The following GRB2 variants were observed in gnomAD, a reference collection of about 807,000 sequenced individuals.
The protein encoded by GRB2 is growth factor receptor-bound protein 2.
In GRB2, 2 loss-of-function variants were observed where a neutral mutation model predicts 27.4. The observed-to-expected ratio is 0.07, with a 90% CI of 0.03 to 0.23. The LOEUF (loss-of-function observed/expected upper bound fraction) is 0.23, where lower values mean the gene tolerates loss of function less well. Ranked by LOEUF, GRB2 falls within the 10% of genes least tolerant of loss-of-function variation. The pLI is 1.00. For missense variants in GRB2, 102 were observed against 282.4 expected (o/e 0.36, Z 4.58); for synonymous variants, 94 against 99.6 (o/e 0.94, Z 0.33).
At chr17:75,342,516 C>T (rs2078628051) in intron 2 of GRB2, among the ~76,000 whole-genome samples, 1 of 152,072 alleles carries the variant, frequency 6.6e-6, no homozygotes, top group African/African-American at 2.4e-5. Context: ...GCGATCCTCC[C>T]ACCTCAGCCT....
At chr17:75,355,816 CTT>C (rs1170570570) in intron 2 of GRB2, among the ~76,000 whole-genome samples, 43 of 115,674 alleles carry the variant, frequency 3.7e-4, no homozygotes, top group East Asian at 2.0e-3. Flanking sequence ...TTCCTTTCTT[CTT>C]TTTTTTTTTT....
intron 1 of GRB2, among the ~76,000 whole-genome samples, chr17:75,396,369 A>C (rs1418484431): frequency 6.6e-6 from 1 of 151,772 alleles, no homozygotes; most frequent in Admixed American, 6.6e-5. Flanking sequence ...CAGCTTCCCA[A>C]GTAGCTGGAA....
At chr17:75,360,042 AAGGCTG>A in intron 2 of GRB2, among the ~76,000 whole-genome samples, 1 of 151,838 alleles carries the variant, frequency 6.6e-6, no homozygotes, top group Admixed American at 6.6e-5. Context: ...AGAAATTTAG[AAGGCTG>A]AGGTGGGAGG....
intron 2 of GRB2, among the ~76,000 whole-genome samples, chr17:75,358,722 A>G (rs531847933): frequency 6.8e-6 from 1 of 146,900 alleles, no homozygotes; most frequent in Admixed American, 6.9e-5. Flanking sequence ...AAAAAAAAAA[A>G]AAAACAAAAA....
At chr17:75,372,793 A>G (rs766623806) in intron 2 of GRB2, 3 of 152,246 alleles carry the variant, frequency 2.0e-5, no homozygotes, top group Non-Finnish European at 2.9e-5. Flanking sequence ...TACTATGTAA[A>G]TATCAGGCAC....
At chr17:75,360,881 C>T (rs569546247) in intron 2 of GRB2, among the ~76,000 whole-genome samples, 2 of 152,296 alleles carry the variant, frequency 1.3e-5, no homozygotes, top group Admixed American at 6.5e-5. Flanking sequence ...TGAACTCCCA[C>T]CTCAGCTTCT....
At chr17:75,403,900 G>A (rs1434570018) in intron 1 of GRB2, among the ~76,000 whole-genome samples, 4 of 152,170 alleles carry the variant, frequency 2.6e-5, no homozygotes, top group Admixed American at 1.3e-4. Context: ...GATTACCTGA[G>A]GTCAAGAGTT....
Position 75,391,794 on chromosome 17 carries a change from C to T in GRB2, c.78+1757G>A, listed in dbSNP as rs555873829. On this transcript the variant is annotated intron_variant, in intron 2 of 5. Transcript: ENST00000316804. The stretch of plus-strand genomic sequence containing the variant: ...CCGCACTCCAGCCTGGGTGACAGAG[C>T]GAGACTCCATCTCAAAAAAAAAAAA... Among the ~76,000 whole-genome samples, 5 of 123,052 alleles carry T rather than the reference C, an allele frequency of 4.1e-5. No homozygotes were observed. The South Asian group carries it at 8.6e-4, about 21-fold the overall frequency. The allele number at this position is 123,052 out of a possible 152,430, so 80.7% of individuals were successfully genotyped here.
At chr17:75,360,180 A>T (rs2078770160) in intron 2 of GRB2, among the ~76,000 whole-genome samples, 1 of 104,178 alleles carries the variant, frequency 9.6e-6, no homozygotes, top group Non-Finnish European at 2.1e-5. Context: ...AAACAAGGAA[A>T]TGTGATTATG....
intron 2 of GRB2, among the ~76,000 whole-genome samples, chr17:75,346,104 TAGAATC>T (rs770570502): frequency 3.3e-5 from 5 of 149,968 alleles, no homozygotes; most frequent in Non-Finnish European, 7.4e-5. Flanking sequence ...TTTCTGGAGG[TAGAATC>T]AAAAGGACTT....
chr17:75,332,573 C>T, intron 3 of GRB2, 127 bp downstream of exon 3: 1 of 638,136 alleles, frequency 1.6e-6, no homozygotes, highest in Non-Finnish European at 2.8e-6. Context: ...AATCAATATC[C>T]TTTGTTAATT....
chr17:75,360,014 G>A (rs894226462), intron 2 of GRB2, among the ~76,000 whole-genome samples: 2 of 151,980 alleles, frequency 1.3e-5, no homozygotes, highest in Non-Finnish European at 2.9e-5. Context: ...GGGCATGGTG[G>A]CTCATGCCTG....
chr17:75,360,955 G>A (rs2145847778), intron 2 of GRB2, among the ~76,000 whole-genome samples: 1 of 107,142 alleles, frequency 9.3e-6, no homozygotes. Context: ...TTTTTTGGTA[G>A]AGATGGGGTC....
chr17:75,321,001 G>A (rs1390409655), intron 5 of GRB2, among the ~76,000 whole-genome samples: 1 of 152,092 alleles, frequency 6.6e-6, no homozygotes. Flanking sequence ...CGAGGGACAG[G>A]AACGGGTGCC....
chr17:75,375,796 C>A (rs1201334801), intron 2 of GRB2, among the ~76,000 whole-genome samples: 1 of 151,996 alleles, frequency 6.6e-6, no homozygotes, highest in South Asian at 2.1e-4. Flanking sequence ...GAGGCAGAGG[C>A]AGGTGGATCA....
At chr17:75,325,853 C>T (rs2078495532) in intron 4 of GRB2, 45 bp downstream of exon 4, 1 of 1,606,262 alleles carries the variant, frequency 6.2e-7, no homozygotes, top group African/African-American at 1.3e-5. Context: ...CAATTTGGAT[C>T]AGTCAGAGAC....
intron 2 of GRB2, among the ~76,000 whole-genome samples, chr17:75,389,523 C>A (rs765922141): frequency 6.6e-6 from 1 of 152,188 alleles, no homozygotes; most frequent in Non-Finnish European, 1.5e-5. Flanking sequence ...ATTTCCTCAT[C>A]TGTAAAAGAG....
intron 2 of GRB2, among the ~76,000 whole-genome samples, chr17:75,382,658 T>C (rs2078936424): frequency 6.6e-6 from 1 of 152,154 alleles, no homozygotes; most frequent in African/African-American, 2.4e-5. Context: ...CTAAACTTTC[T>C]AGTAAAGAAG....
chr17:75,361,656 G>A (rs1375390400), intron 2 of GRB2, among the ~76,000 whole-genome samples: 1 of 152,130 alleles, frequency 6.6e-6, no homozygotes, highest in African/African-American at 2.4e-5. Context: ...ATTATGGAGT[G>A]GGGAGACGGT....
Sources: gnomAD v4.1 joint callset for allele counts (sites outside exome capture counted in the v4.1 genomes callset) on GRCh38, gnomAD v4.1.1 for gene constraint, MANE v1.5 for transcripts, NCBI Gene and HGNC (gene_info 2026-07-23, HGNC 2026-07-21) for gene names.